Variants in MAP7 observed in about 807,000 individuals in gnomAD.
MAP7 encodes the protein microtubule associated protein 7.
A neutral mutation model predicts 94.8 loss-of-function variants in MAP7; 52 were observed. The ratio of observed to expected loss-of-function variants is 0.55; its 90% CI spans 0.44 to 0.69. The LOEUF (loss-of-function observed/expected upper bound fraction) is 0.69, where lower values mean the gene tolerates loss of function less well. MAP7 is among the 30% of genes least tolerant of loss of function. The pLI is 0.00. For synonymous variants in MAP7, 350 were observed against 357.0 expected (o/e 0.98, Z 0.22); for missense variants, 940 against 964.6 (o/e 0.97, Z 0.34).
At chr6:136,546,329 C>G (rs1469880226) in intron 1 of MAP7, among the ~76,000 whole-genome samples, 1 of 151,208 alleles carries the variant, frequency 6.6e-6, no homozygotes, top group African/African-American at 2.4e-5. Flanking sequence ...TTTTTCAAAC[C>G]ATTAACCATC....
chr6:136,462,019 T>A (rs994632081), intron 1 of MAP7, among the ~76,000 whole-genome samples: 2 of 152,112 alleles, frequency 1.3e-5, no homozygotes, highest in Admixed American at 6.5e-5. Flanking sequence ...TGATTAAAAA[T>A]AAATAAATTA....
chr6:136,405,676 G>A lies in MAP7; in HGVS notation c.244+5944C>T, dbSNP rs181979636. Among the ~76,000 whole-genome samples, 6 of 152,332 alleles carry A rather than the reference G, an allele frequency of 3.9e-5. No individual in the cohort carries two copies. In the East Asian group the frequency reaches 7.7e-4, roughly 20 times the overall value. On this transcript the variant is annotated intron_variant, in intron 3 of 17. Coordinates refer to ENST00000354570, the MANE Select transcript of MAP7 (RefSeq NM_003980.6). ...TTGCAAGTGGGTCACTCTGGCTGCTGTGTTAACAGACTCTGTGGGAGGAGG... is the reference window on the plus strand; with the variant it reads ...TTGCAAGTGGGTCACTCTGGCTGCTATGTTAACAGACTCTGTGGGAGGAGG...
chr6:136,456,849 G>GGAAAAAGAA lies in MAP7; in HGVS notation c.68-35051_68-35050insTTCTTTTTC, dbSNP rs1554259578. Among the ~76,000 whole-genome samples the GGAAAAAGAA allele has an allele frequency of 2.4e-3, 177 of 72,494 alleles. 1 individual carries two copies. The highest frequency in any genetic ancestry group is 9.1e-3 in the African/African-American group (168 of 18,554). The allele number at this position is 72,494 out of a possible 152,430, so 47.6% of individuals were successfully genotyped here. On this transcript the variant is annotated intron_variant, in intron 1 of 17. Transcript: ENST00000354570. Reference sequence around the variant, plus strand: ...AAGAAGAAGAAGAAGAAGAAGAAGAGGAAGAAGAAGAAGAAGAAGAAGAAA... The same window carrying GGAAAAAGAA: ...AAGAAGAAGAAGAAGAAGAAGAAGAGGAAAAAGAAGAAGAAGAAGAAGAAGAAGAAGAAA...
At position 136,360,719 on chromosome 6, in the gene MAP7, T is replaced by C. The variant is rs1312454917; in HGVS notation, c.1781A>G (p.Gln594Arg). 3.1e-6 allele frequency: 5 copies of C among 1,614,204 alleles called. No individual in the cohort carries two copies. Among genetic ancestry groups the C allele is most frequent in the East Asian group, 4.5e-5 (2 of 44,872 alleles). Residue 594 changes from glutamine (Q) to arginine (R), a missense_variant, in exon 13 of 18, where the codon CAA becomes CGA. Physicochemically the swap from Gln to Arg is conservative, Grantham distance 43 (BLOSUM62 1). Coordinates refer to ENST00000354570, the MANE Select transcript of MAP7 (RefSeq NM_003980.6). Reference protein sequence around the residue: ...EREKHFQREEQERLERKKRLE... With the variant: ...EREKHFQREERERLERKKRLE... The stretch of plus-strand genomic sequence containing the variant: ...TACCTTCTTTCTCTCCAGGCGCTCT[T>C]GCTCTTCTCTCTGGAAATGCTTCTC...
intron 1 of MAP7, among the ~76,000 whole-genome samples, chr6:136,522,254 G>A (rs759859062): frequency 1.3e-5 from 2 of 152,162 alleles, no homozygotes; most frequent in East Asian, 1.9e-4. Flanking sequence ...AGCCCAGCTC[G>A]CTCCCAGTGA....
At chr6:136,345,825 G>C in intron 17 of MAP7, 31 bp downstream of exon 17, 1 of 1,534,672 alleles carries the variant, frequency 6.5e-7, no homozygotes, top group Non-Finnish European at 9.0e-7. Context: ...TATTTCTGAT[G>C]ACTACAGAAG....
intron 3 of MAP7, among the ~76,000 whole-genome samples, chr6:136,402,444 A>G (rs1458278621): frequency 3.9e-5 from 6 of 152,178 alleles, no homozygotes; most frequent in Non-Finnish European, 8.8e-5. Flanking sequence ...AAGAAGTGTG[A>G]CCTTGGAGGA....
intron 13 of MAP7, among the ~76,000 whole-genome samples, chr6:136,360,425 A>T (rs1376775567): frequency 6.6e-6 from 1 of 152,228 alleles, no homozygotes. Flanking sequence ...GATTACAGGC[A>T]TGAGCCACCC....
intron 1 of MAP7, among the ~76,000 whole-genome samples, chr6:136,527,197 CAT>C (rs1828034972): frequency 6.6e-6 from 1 of 152,164 alleles, no homozygotes; most frequent in African/African-American, 2.4e-5. Flanking sequence ...AGCACAGAAT[CAT>C]GTGACTATTG....
chr6:136,482,192 C>T (rs899283533), intron 1 of MAP7, among the ~76,000 whole-genome samples: 2 of 152,186 alleles, frequency 1.3e-5, no homozygotes, highest in Non-Finnish European at 2.9e-5. Context: ...GTAAATTAGT[C>T]ACAGTGGAAA....
At chr6:136,434,449 T>C (rs1001816586) in intron 1 of MAP7, among the ~76,000 whole-genome samples, 1 of 152,088 alleles carries the variant, frequency 6.6e-6, no homozygotes, top group South Asian at 2.1e-4. Flanking sequence ...GGCTTTGGTA[T>C]GCTTAGCGTA....
chr6:136,497,365 A>T (rs1205747200), intron 1 of MAP7, among the ~76,000 whole-genome samples: 4 of 151,836 alleles, frequency 2.6e-5, no homozygotes, highest in Non-Finnish European at 5.9e-5. Context: ...CCGCAGTGTA[A>T]ATTGGTAGTT....
chr6:136,481,210 A>C (rs1812755410), intron 1 of MAP7, among the ~76,000 whole-genome samples: 1 of 152,196 alleles, frequency 6.6e-6, no homozygotes, highest in Non-Finnish European at 1.5e-5. Context: ...GAACAGTATG[A>C]AGGTTCTATA....
intron 1 of MAP7, among the ~76,000 whole-genome samples, chr6:136,531,206 T>G (rs1352408930): frequency 6.9e-6 from 1 of 144,834 alleles, no homozygotes; most frequent in Non-Finnish European, 1.5e-5. Flanking sequence ...CTGTCCTCTC[T>G]TCTCACGATA....
chr6:136,482,309 A>T (rs1813095489), intron 1 of MAP7, among the ~76,000 whole-genome samples: 1 of 152,166 alleles, frequency 6.6e-6, no homozygotes, highest in African/African-American at 2.4e-5. Flanking sequence ...TACCATAAAG[A>T]CACATAGAGC....
intron 1 of MAP7, among the ~76,000 whole-genome samples, chr6:136,431,511 TATTTATTTATTTATTTA>T (rs1794889628): frequency 6.7e-6 from 1 of 149,420 alleles, no homozygotes; most frequent in African/African-American, 2.5e-5. Context: ...TTTATTTATT[TATTTATTTATTTATTTA>T]ATTTTTTGAG....
chr6:136,464,120 G>A (rs1806141950), intron 1 of MAP7, among the ~76,000 whole-genome samples: 1 of 152,138 alleles, frequency 6.6e-6, no homozygotes, highest in African/African-American at 2.4e-5. Context: ...TATCTTTCTG[G>A]AGTATTCAAT....
intron 16 of MAP7, among the ~76,000 whole-genome samples, chr6:136,351,453 C>A (rs1789189283): frequency 6.6e-6 from 1 of 152,140 alleles, no homozygotes; most frequent in Non-Finnish European, 1.5e-5. Context: ...AACTCCTTCA[C>A]AGATAGCATT....
intron 3 of MAP7, among the ~76,000 whole-genome samples, chr6:136,409,153 ACT>A (rs1298605796): frequency 6.6e-6 from 1 of 152,196 alleles, no homozygotes; most frequent in African/African-American, 2.4e-5. Flanking sequence ...TAAAATTATG[ACT>A]CTGACAATTG....
Sources: allele counts gnomAD v4.1 joint callset (sites outside exome capture counted in the v4.1 genomes callset), GRCh38; gene constraint gnomAD v4.1.1; transcripts MANE v1.5; gene names NCBI Gene and HGNC (gene_info 2026-07-23, HGNC 2026-07-21).